The following LIMS1 variants were observed in gnomAD, a reference collection of about 807,000 sequenced individuals.
The protein encoded by LIMS1 is LIM and senescent cell antigen-like-containing domain protein 1.
In LIMS1, 18 loss-of-function variants were observed where a neutral mutation model predicts 44.1. That is an observed-to-expected ratio of 0.41 (90% CI 0.28 to 0.61). LIMS1 has a LOEUF of 0.61. Ranked by LOEUF, LIMS1 falls within the 20% of genes least tolerant of loss-of-function variation. The pLI is 0.32. For missense variants in LIMS1, 201 were observed against 422.0 expected, an observed-to-expected ratio of 0.48 and a Z score of 4.59; for synonymous variants, 93 against 149.1, an observed-to-expected ratio of 0.62 and a Z score of 2.74.
intron 1 of LIMS1, among the ~76,000 whole-genome samples, chr2:108,556,114 C>T (rs959782296): frequency 1.3e-5 from 2 of 152,156 alleles, no homozygotes; most frequent in Non-Finnish European, 1.5e-5. Context: ...GCCTTGCCCC[C>T]AGCCCCTAGT....
At chr2:108,643,818 C>T (rs1490984340) in intron 1 of LIMS1, among the ~76,000 whole-genome samples, 1 of 152,178 alleles carries the variant, frequency 6.6e-6, no homozygotes, top group Admixed American at 6.5e-5. Flanking sequence ...TGGGATGCTC[C>T]AGCTTGGTTG....
chr2:108,605,686 A>G (rs1478353635), intron 1 of LIMS1, among the ~76,000 whole-genome samples: 1 of 152,182 alleles, frequency 6.6e-6, no homozygotes, highest in African/African-American at 2.4e-5. Context: ...CACTTAGAGA[A>G]TGCCATCCAG....
chr2:108,603,691 G>A (rs148475427), intron 1 of LIMS1, among the ~76,000 whole-genome samples: 58 of 151,858 alleles, frequency 3.8e-4, no homozygotes, highest in African/African-American at 1.3e-3. Context: ...GACCTCAAAT[G>A]ATCTGCCTGC....
chr2:108,566,957 A>G (rs1685313522), intron 1 of LIMS1, among the ~76,000 whole-genome samples: 1 of 152,130 alleles, frequency 6.6e-6, no homozygotes, highest in Admixed American at 6.5e-5. Flanking sequence ...ATTGTTGTGA[A>G]ATAGCTCTCC....
chr2:108,552,584 G>GT (rs1684791523), intron 1 of LIMS1, among the ~76,000 whole-genome samples: 6 of 99,946 alleles, frequency 6.0e-5, no homozygotes, highest in African/African-American at 2.5e-4. Flanking sequence ...TATATATTTT[G>GT]GGTGTGTGTG....
chr2:108,594,334 GCTACTGAATGCACCCA>G (rs1300327144), intron 1 of LIMS1, among the ~76,000 whole-genome samples: 1 of 152,172 alleles, frequency 6.6e-6, no homozygotes, highest in African/African-American at 2.4e-5. Flanking sequence ...GACTAAACCA[GCTACTGAATGCACCCA>G]CAGAAAGGGA....
intron 1 of LIMS1, among the ~76,000 whole-genome samples, chr2:108,620,061 TA>T (rs1688152100): frequency 6.6e-6 from 1 of 152,200 alleles, no homozygotes; most frequent in South Asian, 2.1e-4. Flanking sequence ...GAATGGCAAT[TA>T]TGAAAAGTCA....
chr2:108,683,908 T>A (rs757134662), exon 10 of LIMS1: 5 of 1,591,346 alleles, frequency 3.1e-6, no homozygotes, highest in Non-Finnish European at 2.6e-6. Context: ...GAGTTTGACA[T>A]GAAGCCAGTC....
intron 1 of LIMS1, among the ~76,000 whole-genome samples, chr2:108,542,435 C>T (rs1684344508): frequency 6.6e-6 from 1 of 152,140 alleles, no homozygotes; most frequent in African/African-American, 2.4e-5. Flanking sequence ...GATAAGGAAA[C>T]CAAGCTCAAG....
chr2:108,636,174 C>G (rs1420057145), intron 1 of LIMS1, among the ~76,000 whole-genome samples: 1 of 152,174 alleles, frequency 6.6e-6, no homozygotes, highest in Non-Finnish European at 1.5e-5. Context: ...ACTCCGTGCC[C>G]GGGGTCACAC....
intron 1 of LIMS1, among the ~76,000 whole-genome samples, chr2:108,633,894 G>A (rs826692): frequency 0.83 from 126,148 of 152,176 alleles, 52,708 homozygotes; most frequent in East Asian, 0.99. Context: ...TGCCTCAATT[G>A]CAAAATTTCC....
At chr2:108,586,100 G>A (rs1468962927) in intron 1 of LIMS1, among the ~76,000 whole-genome samples, 2 of 152,174 alleles carry the variant, frequency 1.3e-5, no homozygotes, top group African/African-American at 4.8e-5. Context: ...GCTGAGGCAG[G>A]AGAATGGCGT....
chr2:108,658,655 T>TGGTTA (rs1293571179), intron 1 of LIMS1, among the ~76,000 whole-genome samples: 1 of 152,184 alleles, frequency 6.6e-6, no homozygotes, highest in African/African-American at 2.4e-5. Flanking sequence ...AACTGCACAG[T>TGGTTA]GGTTAGAGCC....
exon 10 of LIMS1, chr2:108,684,513 C>T (rs1693207142): frequency 6.6e-6 from 1 of 152,046 alleles, no homozygotes; most frequent in South Asian, 2.1e-4. Flanking sequence ...TGAATATGCA[C>T]ATTACTAAGA....
Position 108,578,475 on chromosome 2 carries a change from C to G in LIMS1, c.32+43881C>G, listed in dbSNP as rs535639807. 2.0e-5 allele frequency among the ~76,000 whole-genome samples: 3 copies of G among 152,254 alleles called. No homozygotes were observed. In the East Asian group the frequency reaches 5.8e-4, roughly 29 times the overall value. On this transcript the variant is annotated intron_variant, in intron 1 of 9. Transcript: ENST00000544547. ...GGAATATCTGCACTTTCCTCCACCCCCTTCTCTGAGATTACTGCAGCCAGA... is the reference window on the plus strand; with the variant it reads ...GGAATATCTGCACTTTCCTCCACCCGCTTCTCTGAGATTACTGCAGCCAGA...
At position 108,642,361 on chromosome 2, in the gene LIMS1, T is replaced by TG. The variant is rs1558824127; in HGVS notation, c.33-17244_33-17243insG. 1.7e-3 allele frequency among the ~76,000 whole-genome samples: 37 copies of TG among 21,478 alleles called. 2 individuals are homozygous for TG. Among genetic ancestry groups the TG allele is most frequent in the African/African-American group, 3.5e-3 (35 of 9,970 alleles). The allele number at this position is 21,478 out of a possible 152,430, so 14.1% of individuals were successfully genotyped here. A position where few individuals can be genotyped will look rare whatever the true frequency, so the allele number is the denominator to read the frequency against. Reference sequence around the variant, plus strand: ...TTTTTTGTTTTTTTTTTTTTTTGTTTTTTGTTTTTTTTTTTTGAGACGGAG... The same window carrying TG: ...TTTTTTGTTTTTTTTTTTTTTTGTTTGTTTGTTTTTTTTTTTTGAGACGGAG... On this transcript the variant is annotated intron_variant, in intron 1 of 9. Transcript: ENST00000544547.
At chr2:108,625,959 C>T (rs184311675) in intron 1 of LIMS1, among the ~76,000 whole-genome samples, 1 of 152,270 alleles carries the variant, frequency 6.6e-6, no homozygotes, top group African/African-American at 2.4e-5. Context: ...TGTTATAGGC[C>T]AGGCACTGCA....
At chr2:108,663,736 T>G (rs1691534806) in intron 2 of LIMS1, among the ~76,000 whole-genome samples, 4 of 152,010 alleles carry the variant, frequency 2.6e-5, no homozygotes, top group African/African-American at 9.7e-5. Context: ...TAAAGACCCA[T>G]TTTTTTAATT....
chr2:108,566,979 ATC>A (rs951083630), intron 1 of LIMS1, among the ~76,000 whole-genome samples: 16 of 152,212 alleles, frequency 1.1e-4, no homozygotes, highest in African/African-American at 3.4e-4. Context: ...GAACTTTTTC[ATC>A]TTGCAGAACT....
Sources: allele counts gnomAD v4.1 joint callset (sites outside exome capture counted in the v4.1 genomes callset), GRCh38; gene constraint gnomAD v4.1.1; transcripts MANE v1.5; gene names NCBI Gene and HGNC (gene_info 2026-07-23, HGNC 2026-07-21).